The following GOLGA7 variants were observed in gnomAD, a reference collection of about 807,000 sequenced individuals.
The protein encoded by GOLGA7 is golgin subfamily A member 7.
GOLGA7 carries 10 observed loss-of-function variants against 21.1 expected under a neutral mutation model. The observed-to-expected ratio is 0.47, with a 90% confidence interval of 0.29 to 0.80. The LOEUF is 0.80. Ranked by LOEUF, GOLGA7 falls within the 30% of genes least tolerant of loss-of-function variation. GOLGA7 has a pLI of 0.08. For synonymous variants in GOLGA7, 64 were observed against 62.6 expected (o/e 1.02, Z -0.10); for missense variants, 114 against 166.8 (o/e 0.68, Z 1.74).
At chr8:41,494,710 G>A (rs1805965182) in intron 1 of GOLGA7, among the ~76,000 whole-genome samples, 1 of 152,104 alleles carries the variant, frequency 6.6e-6, no homozygotes, top group South Asian at 2.1e-4. Context: ...CCTAGCCTTT[G>A]TCCAAATCTC....
chr8:41,501,470 C>G (rs55771990), intron 2 of GOLGA7, among the ~76,000 whole-genome samples: 1 of 152,170 alleles, frequency 6.6e-6, no homozygotes, highest in Non-Finnish European at 1.5e-5. Flanking sequence ...TCTCAAACTC[C>G]TGGCCTCAAG....
At chr8:41,508,416 TA>T (rs980092545) in intron 4 of GOLGA7, among the ~76,000 whole-genome samples, 9 of 152,330 alleles carry the variant, frequency 5.9e-5, no homozygotes, top group African/African-American at 2.2e-4. Flanking sequence ...TCCTCTGCCA[TA>T]TGTTGTATTT....
chr8:41,491,155 T>G (rs541156181), intron 1 of GOLGA7, among the ~76,000 whole-genome samples, 190 bp downstream of exon 1: 2 of 152,306 alleles, frequency 1.3e-5, no homozygotes, highest in South Asian at 4.1e-4. Context: ...GCAGGAAGAA[T>G]AATATAGGCC....
Position 41,504,287 on chromosome 8 carries a change from C to A in GOLGA7, c.265-1624C>A, listed in dbSNP as rs1193800269. On this transcript the variant is annotated intron_variant, in intron 2 of 4. Transcript: ENST00000357743. Reference sequence around the variant, plus strand: ...AATCCTTTCTTTGAAACCAGCCATGCAGGCATTTTTCTGAGTGTCTTCCCT... The same window carrying A: ...AATCCTTTCTTTGAAACCAGCCATGAAGGCATTTTTCTGAGTGTCTTCCCT... Among the ~76,000 whole-genome samples the A allele has an allele frequency of 3.3e-5, 5 of 152,146 alleles. No individual in the cohort carries two copies. In the East Asian group the frequency reaches 9.6e-4, roughly 29 times the overall value.
chr8:41,507,101 A>G lies in GOLGA7; in HGVS notation c.409A>G (p.Arg137Gly). ...TGAAGACAGAGGCATGAGCAGTGGA[A>G]GATAAACCGAAGAATTAAAGGTAAA... ...IYEDRGMSSG[R>G] The change falls in exon 4 of 5, where the codon AGA becomes GGA. Residue 137 changes from arginine (R) to glycine (G), a missense_variant. Arg to Gly is a moderately radical substitution (Grantham distance 125). Transcript: ENST00000357743. 7.9e-7 allele frequency: 1 copy of G among 1,259,768 alleles called. No individual in the cohort carries two copies. Among genetic ancestry groups the G allele is most frequent in the Non-Finnish European group, 1.2e-6 (1 of 856,144 alleles). 78.0% of individuals were successfully genotyped at this position (1,259,768 alleles called of 1,614,324 possible). A position where few individuals can be genotyped will look rare whatever the true frequency, so the allele number is the denominator to read the frequency against.
rs963202037 is a variant in GOLGA7, at chr8:41,490,677, G to A, written c.-178G>A. On this transcript the variant is annotated 5_prime_UTR_variant, in exon 1 of 5. Coordinates refer to ENST00000357743, the MANE Select transcript of GOLGA7 (RefSeq NM_001002296.2). ...GGCGCGGGGCCTGGGCCAGGCGGCA[G>A]CTAAGGCCCGCGGTGACAGCATGGG... 9 of 552,850 alleles carry A rather than the reference G, an allele frequency of 1.6e-5. No individual in the cohort carries two copies. The highest frequency in any genetic ancestry group is 2.6e-5 in the Non-Finnish European group (8 of 312,360). The allele number at this position is 552,850 out of a possible 1,614,324, so 34.2% of individuals were successfully genotyped here. A position where few individuals can be genotyped will look rare whatever the true frequency, so the allele number is the denominator to read the frequency against.
chr8:41,497,840 G>A (rs987072643), intron 2 of GOLGA7, among the ~76,000 whole-genome samples, 179 bp downstream of exon 2: 1 of 152,216 alleles, frequency 6.6e-6, no homozygotes, highest in Admixed American at 6.5e-5. Context: ...ACAGGTTGCA[G>A]TTGGTATGTC....
rs1563412774 is a variant in GOLGA7, at chr8:41,490,824, A to C, written c.-31A>C. ...CTGACTCGCGGTTGGTGTTCCCCCG[A>C]CCCCGCAGCGCGGGGTGTCCTGTCC... On this transcript the variant is annotated 5_prime_UTR_variant, in exon 1 of 5. Transcript: ENST00000357743. The C allele has an allele frequency of 1.5e-6, 2 of 1,332,184 alleles. No homozygotes were observed. The highest frequency in any genetic ancestry group is 2.5e-5 in the South Asian group (2 of 80,178). 82.5% of individuals were successfully genotyped at this position (1,332,184 alleles called of 1,614,324 possible).
chr8:41,492,427 C>T (rs1290171714), intron 1 of GOLGA7, among the ~76,000 whole-genome samples: 1 of 148,676 alleles, frequency 6.7e-6, no homozygotes, highest in African/African-American at 2.5e-5. Flanking sequence ...TCTGGGAGGC[C>T]GTGGCGGGTG....
chr8:41,502,044 A>G (rs1334967232), intron 2 of GOLGA7, among the ~76,000 whole-genome samples: 1 of 152,226 alleles, frequency 6.6e-6, no homozygotes, highest in African/African-American at 2.4e-5. Context: ...TAATCCAGAA[A>G]CCAAATTTAA....
chr8:41,505,810 G>T (rs1213853025), intron 2 of GOLGA7, 101 bp from the exon 3 acceptor site: 4 of 605,190 alleles, frequency 6.6e-6, no homozygotes. Flanking sequence ...CATGTGACTT[G>T]CCTTGAAAAC....
chr8:41,490,596 A>C lies in GOLGA7; in HGVS notation c.-259A>C. ...GTGACGGCGAAGGCGGTGCGACAGC[A>C]GCTGGAGGGCAGAGGAGGCGGGTTT... On this transcript the variant is annotated 5_prime_UTR_variant, in exon 1 of 5. Coordinates refer to ENST00000357743, the MANE Select transcript of GOLGA7 (RefSeq NM_001002296.2). The C allele has an allele frequency of 2.1e-6, 1 of 478,242 alleles. No individual in the cohort carries two copies. The highest frequency in any genetic ancestry group is 3.7e-6 in the Non-Finnish European group (1 of 269,006). 29.6% of individuals were successfully genotyped at this position (478,242 alleles called of 1,614,324 possible). A position where few individuals can be genotyped will look rare whatever the true frequency, so the allele number is the denominator to read the frequency against.
intron 2 of GOLGA7, among the ~76,000 whole-genome samples, chr8:41,498,321 G>A (rs1015893741): frequency 1.3e-5 from 2 of 152,164 alleles, no homozygotes; most frequent in South Asian, 4.1e-4. Flanking sequence ...ACTATCTGCT[G>A]TTGTTTTTAT....
At chr8:41,507,507 T>C (rs1353785405) in intron 4 of GOLGA7, among the ~76,000 whole-genome samples, 2 of 152,192 alleles carry the variant, frequency 1.3e-5, no homozygotes, top group African/African-American at 4.8e-5. Flanking sequence ...GACAAATGGC[T>C]TTAATAAGCA....
At chr8:41,491,014 A>C in intron 1 of GOLGA7, 49 bp downstream of exon 1, 1 of 1,090,800 alleles carries the variant, frequency 9.2e-7, no homozygotes, top group Non-Finnish European at 1.4e-6. Context: ...AGAGAGACTC[A>C]CCGGGGACGG....
In GOLGA7 at chr8:41,490,922, G is replaced by A. The variant is rs139633998; in HGVS notation, c.68G>A (p.Arg23His). Reference protein sequence around the residue: ...FIQRDYSSGTRCQFQTKFPAE... With the variant: ...FIQRDYSSGTHCQFQTKFPAE... ...CAGCGAGACTACAGCAGTGGCACAC[G>A]CTGCCAGTTCCAGACCAAGTTCCCT... Residue 23 changes from arginine to histidine, a missense_variant, in exon 1 of 5, where the codon CGC (arginine) becomes CAC (histidine). By Grantham distance (29) the Arg-to-His change is conservative. Transcript: ENST00000357743. The A allele has an allele frequency of 1.9e-6, 3 of 1,599,416 alleles. No homozygotes were observed. The highest frequency in any genetic ancestry group is 2.6e-6 in the Non-Finnish European group (3 of 1,172,128).
chr8:41,504,129 A>AAAC (rs1382522986), intron 2 of GOLGA7, among the ~76,000 whole-genome samples: 5 of 144,988 alleles, frequency 3.4e-5, no homozygotes, highest in South Asian at 2.1e-4. Flanking sequence ...ATAAAAAAAA[A>AAAC]AAAAAAACAA....
At chr8:41,492,506 AC>A (rs1383526575) in intron 1 of GOLGA7, among the ~76,000 whole-genome samples, 2 of 152,196 alleles carry the variant, frequency 1.3e-5, no homozygotes, top group African/African-American at 4.8e-5. Context: ...TACTAAAAAT[AC>A]AAAAATTAGT....
At chr8:41,505,163 A>G (rs1181259369) in intron 2 of GOLGA7, among the ~76,000 whole-genome samples, 1 of 152,208 alleles carries the variant, frequency 6.6e-6, no homozygotes, top group Non-Finnish European at 1.5e-5. Flanking sequence ...AGATTTGGCA[A>G]TTTCCAGAAG....
Sources: gnomAD v4.1 joint callset for allele counts (sites outside exome capture counted in the v4.1 genomes callset) on GRCh38, gnomAD v4.1.1 for gene constraint, MANE v1.5 for transcripts, NCBI Gene and HGNC (gene_info 2026-07-23, HGNC 2026-07-21) for gene names.